Variants in PRIMPOL observed in about 807,000 individuals in gnomAD.
PRIMPOL encodes primase and DNA directed polymerase, also known as DNA-directed primase/polymerase protein.
In PRIMPOL, 54 loss-of-function variants were observed where a neutral mutation model predicts 63.6. The ratio of observed to expected loss-of-function variants is 0.85; its 90% CI spans 0.68 to 1.07. The LOEUF is 1.07. Among genes scored for constraint, PRIMPOL ranks in the 50% least tolerant of loss-of-function variants. The pLI, the probability that PRIMPOL is intolerant of heterozygous loss-of-function variation, is 0.00. For synonymous variants in PRIMPOL, 197 were observed against 220.2 expected (o/e 0.89, Z 0.93); for missense variants, 610 against 648.3 (o/e 0.94, Z 0.64).
At chr4:184,681,315 G>A (rs1755557935) in intron 8 of PRIMPOL, among the ~76,000 whole-genome samples, 1 of 152,018 alleles carries the variant, frequency 6.6e-6, no homozygotes, top group Non-Finnish European at 1.5e-5. Context: ...CTTTGTGTTT[G>A]GTGAATAGAG....
At chr4:184,693,516 C>G (rs1170631849) in intron 13 of PRIMPOL, among the ~76,000 whole-genome samples, 1 of 152,068 alleles carries the variant, frequency 6.6e-6, no homozygotes, top group African/African-American at 2.4e-5. Flanking sequence ...TAACATTTTG[C>G]CTCTCCTGCT....
intron 4 of PRIMPOL, among the ~76,000 whole-genome samples, chr4:184,660,009 C>A (rs568836480): frequency 6.6e-6 from 1 of 151,436 alleles, no homozygotes; most frequent in Admixed American, 6.6e-5. Context: ...TTAGTAGAGA[C>A]GGGGTTTCAC....
chr4:184,692,861 T>C (rs1449517028), intron 13 of PRIMPOL, among the ~76,000 whole-genome samples: 2 of 152,364 alleles, frequency 1.3e-5, no homozygotes, highest in South Asian at 2.1e-4. Context: ...TTTGCATCTC[T>C]GTAATGAACT....
intron 4 of PRIMPOL, 58 bp downstream of exon 4, chr4:184,659,495 G>C: frequency 7.9e-7 from 1 of 1,270,412 alleles, no homozygotes; most frequent in Non-Finnish European, 1.2e-6. Flanking sequence ...CTTTGCCTAG[G>C]AATTTTGGTG....
Position 184,649,776 on chromosome 4 carries a change from G to C in PRIMPOL, c.-270G>C, listed in dbSNP as rs1377737014. ...TCCGCGGGCTTCCGCTCCCAGCGCGGGATTCTGGAGGGAAATTGAGGGAGA... is the reference window on the plus strand; with the variant it reads ...TCCGCGGGCTTCCGCTCCCAGCGCGCGATTCTGGAGGGAAATTGAGGGAGA... On this transcript the variant is annotated 5_prime_UTR_variant, in exon 1 of 14. Coordinates refer to ENST00000314970, the MANE Select transcript of PRIMPOL (RefSeq NM_152683.4). 3 of 152,384 alleles carry C rather than the reference G, an allele frequency of 2.0e-5. No individual in the cohort carries two copies. The highest frequency in any genetic ancestry group is 7.2e-5 in the African/African-American group (3 of 41,468). 9.4% of individuals were successfully genotyped at this position (152,384 alleles called of 1,614,324 possible).
At chr4:184,664,228 G>A (rs1018722706) in intron 5 of PRIMPOL, among the ~76,000 whole-genome samples, 4 of 152,190 alleles carry the variant, frequency 2.6e-5, no homozygotes, top group Non-Finnish European at 4.4e-5. Flanking sequence ...CTGTAGCTCC[G>A]AAAGTACAGA....
At chr4:184,667,910 G>A (rs746343580) in intron 6 of PRIMPOL, among the ~76,000 whole-genome samples, 8 of 152,024 alleles carry the variant, frequency 5.3e-5, no homozygotes, top group Admixed American at 1.3e-4. Flanking sequence ...GACTTTCTAG[G>A]TGCATGAGCC....
chr4:184,681,038 T>C (rs1311689913), intron 8 of PRIMPOL, among the ~76,000 whole-genome samples: 1 of 152,172 alleles, frequency 6.6e-6, no homozygotes, highest in African/African-American at 2.4e-5. Context: ...TTACCCAATC[T>C]CGTTTCTTTC....
intron 6 of PRIMPOL, among the ~76,000 whole-genome samples, chr4:184,667,688 A>G (rs955585960): frequency 6.6e-6 from 1 of 152,136 alleles, no homozygotes; most frequent in Non-Finnish European, 1.5e-5. Flanking sequence ...TACAGCAGGT[A>G]ATTTATCTCC....
chr4:184,659,367 A>G lies in PRIMPOL; in HGVS notation c.208A>G (p.Lys70Glu), dbSNP rs112271283. 121 of 1,613,870 alleles carry G rather than the reference A, an allele frequency of 7.5e-5. No individual in the cohort carries two copies. The Admixed American group carries it at 1.0e-3, about 13-fold the overall frequency. ...CGTTCATGTATTTGCTTTGGAATGC[A>G]AAGTAGGAGATGGACAACGTATTTA... The part of the protein sequence containing the change: ...EDVHVFALEC[K>E]VGDGQRIYLV... The change falls in exon 4 of 14, where the codon AAA (lysine) becomes GAA (glutamate). Residue 70 changes from lysine to glutamate, a missense_variant. Physicochemically the swap from Lys to Glu is moderately conservative, Grantham distance 56. Coordinates refer to ENST00000314970, the MANE Select transcript of PRIMPOL (RefSeq NM_152683.4).
chr4:184,672,467 A>G lies in PRIMPOL; in HGVS notation c.844+7A>G. The G allele has an allele frequency of 1.3e-6, 2 of 1,567,812 alleles. No homozygotes were observed. The highest frequency in any genetic ancestry group is 1.7e-6 in the Non-Finnish European group (2 of 1,159,284). On this transcript the variant is annotated splice_region_variant and intron_variant, in intron 7 of 13. Coordinates refer to ENST00000314970, the MANE Select transcript of PRIMPOL (RefSeq NM_152683.4). Reference sequence around the variant, plus strand: ...CATCTTTTTGTAGATCTCGGTAAGTAAGATTGACAGCTTTCTCCATCAGAC... The same window carrying G: ...CATCTTTTTGTAGATCTCGGTAAGTGAGATTGACAGCTTTCTCCATCAGAC...
intron 11 of PRIMPOL, among the ~76,000 whole-genome samples, chr4:184,691,076 CTTT>C (rs1372688028): frequency 6.6e-6 from 1 of 152,098 alleles, no homozygotes; most frequent in Non-Finnish European, 1.5e-5. Context: ...TTCTTAATTG[CTTT>C]TTGTCATTCA....
At chr4:184,653,207 A>G (rs1745230591) in intron 2 of PRIMPOL, among the ~76,000 whole-genome samples, 1 of 151,816 alleles carries the variant, frequency 6.6e-6, no homozygotes, top group South Asian at 2.1e-4. Context: ...AAACTGGTAA[A>G]TAGGAAGCAT....
At chr4:184,687,154 T>C (rs778197404) in intron 11 of PRIMPOL, among the ~76,000 whole-genome samples, 5 of 152,172 alleles carry the variant, frequency 3.3e-5, no homozygotes, top group Non-Finnish European at 5.9e-5. Context: ...CACTGCAACC[T>C]CCGCTTCCTT....
chr4:184,680,465 G>T (rs1755330671), intron 8 of PRIMPOL, among the ~76,000 whole-genome samples: 1 of 152,194 alleles, frequency 6.6e-6, no homozygotes, highest in South Asian at 2.1e-4. Context: ...TGGGATTACA[G>T]GCGTGAGCCA....
intron 7 of PRIMPOL, among the ~76,000 whole-genome samples, chr4:184,674,857 C>T (rs769172357): frequency 1.3e-5 from 2 of 152,120 alleles, no homozygotes; most frequent in African/African-American, 2.4e-5. Flanking sequence ...TCTGAAACGG[C>T]GACAACAGCA....
At chr4:184,659,928 G>T (rs1231369351) in intron 4 of PRIMPOL, among the ~76,000 whole-genome samples, 1 of 152,046 alleles carries the variant, frequency 6.6e-6, no homozygotes, top group Non-Finnish European at 1.5e-5. Flanking sequence ...GCAAGTCGTT[G>T]TTCTGCCTCA....
At position 184,664,850 on chromosome 4, in the gene PRIMPOL, G is replaced by C. The variant is rs559193507; in HGVS notation, c.409-1067G>C. 1.3e-5 allele frequency among the ~76,000 whole-genome samples: 2 copies of C among 152,138 alleles called. 1 individual carries two copies. Among genetic ancestry groups the C allele is most frequent in the Admixed American group, 1.3e-4 (2 of 15,278 alleles). ...TAATCACATAAATCAACCTAAAATT[G>C]TAAGTCTATAAAGAGAAAAAGAGTA... On this transcript the variant is annotated intron_variant, in intron 5 of 13. Coordinates refer to ENST00000314970, the MANE Select transcript of PRIMPOL (RefSeq NM_152683.4).
chr4:184,683,290 G>A (rs921648128), intron 9 of PRIMPOL, among the ~76,000 whole-genome samples: 1 of 152,046 alleles, frequency 6.6e-6, no homozygotes, highest in African/African-American at 2.4e-5. Flanking sequence ...GGGCATGGTG[G>A]CGGGTGCCTG....
Sources: allele counts gnomAD v4.1 joint callset (sites outside exome capture counted in the v4.1 genomes callset), GRCh38; gene constraint gnomAD v4.1.1; transcripts MANE v1.5; gene names NCBI Gene and HGNC (gene_info 2026-07-23, HGNC 2026-07-21).